ZHX2: variants seen among roughly 807,000 people sequenced by gnomAD.
The protein encoded by ZHX2 is zinc fingers and homeoboxes protein 2.
A neutral mutation model predicts 21.9 loss-of-function variants in ZHX2; 6 were observed. The observed-to-expected ratio is 0.27, with a 90% CI of 0.15 to 0.54. ZHX2 has a LOEUF of 0.54. Among genes scored for constraint, ZHX2 ranks in the 20% least tolerant of loss-of-function variants. The probability of loss-of-function intolerance (pLI) is 0.95; values close to 1 mark genes in which losing one functional copy is unlikely to be tolerated. For missense variants in ZHX2, 908 were observed against 1,090.7 expected (o/e 0.83, Z 2.36); for synonymous variants, 434 against 437.1 (o/e 0.99, Z 0.09).
intron 2 of ZHX2, among the ~76,000 whole-genome samples, chr8:122,907,285 A>G (rs191459856): frequency 1.1e-3 from 162 of 152,296 alleles, no homozygotes; most frequent in African/African-American, 3.5e-3. Flanking sequence ...TGAGACATCA[A>G]TCAGCATATG....
intron 3 of ZHX2, among the ~76,000 whole-genome samples, chr8:122,961,496 G>T (rs1296578116): frequency 6.6e-6 from 1 of 152,150 alleles, no homozygotes; most frequent in Non-Finnish European, 1.5e-5. Flanking sequence ...CTGCTATAAA[G>T]AACTGCCCAA....
intron 1 of ZHX2, among the ~76,000 whole-genome samples, chr8:122,858,385 A>C (rs1043056286): frequency 2.0e-5 from 3 of 152,190 alleles, no homozygotes; most frequent in African/African-American, 7.2e-5. Flanking sequence ...ACAGGCCTTT[A>C]AAGTTGCTTC....
At chr8:122,881,300 T>C (rs1423518159) in intron 2 of ZHX2, among the ~76,000 whole-genome samples, 4 of 152,114 alleles carry the variant, frequency 2.6e-5, no homozygotes, top group Non-Finnish European at 5.9e-5. Context: ...ACTAAGGAGG[T>C]AAAGTCTGAT....
chr8:122,883,259 G>A (rs189478422), intron 2 of ZHX2, among the ~76,000 whole-genome samples: 151 of 152,196 alleles, frequency 9.9e-4, no homozygotes, highest in African/African-American at 3.3e-3. Flanking sequence ...TGCAATGCTC[G>A]ACCTGAGCCC....
At chr8:122,783,497 A>G (rs1817333676) in intron 1 of ZHX2, among the ~76,000 whole-genome samples, 1 of 152,048 alleles carries the variant, frequency 6.6e-6, no homozygotes, top group South Asian at 2.1e-4. Context: ...AACCACACAC[A>G]CACACACTTA....
At position 122,828,140 on chromosome 8, in the gene ZHX2, G is replaced by T. The variant is rs955885341; in HGVS notation, c.-282-35337G>T. On this transcript the variant is annotated intron_variant, in intron 1 of 3. Transcript: ENST00000314393. The surrounding 1 kb of genome is among the most constrained non-coding windows in gnomAD (Gnocchi z 5.2). ...ATAAATAAATAAAAGAGAAAAGCTGGCTCGCAGGAGAGACCTAAGGGCACC... is the reference window on the plus strand; with the variant it reads ...ATAAATAAATAAAAGAGAAAAGCTGTCTCGCAGGAGAGACCTAAGGGCACC... 2.0e-5 allele frequency among the ~76,000 whole-genome samples: 3 copies of T among 152,074 alleles called. No individual in the cohort carries two copies. The highest frequency in any genetic ancestry group is 4.4e-5 in the Non-Finnish European group (3 of 68,012).
rs766144375 is a variant in ZHX2, at chr8:122,953,384, C to T, written c.1874C>T (p.Ser625Phe). ...CTCTCCGGTGCCCAGTTAACAAGTT[C>T]TCTGCCCAGCCCTTCGCCAGCAATT... ...DQLSGAQLTS[S>F]LPSPSPAIAK... The change falls in exon 3 of 4, where the codon TCT becomes TTT. Residue 625 changes from serine (S) to phenylalanine (F), a missense_variant. Transcript: ENST00000314393. The surrounding 1 kb of genome is among the most constrained non-coding windows in gnomAD (Gnocchi z 4.6). 1.9e-6 allele frequency: 3 copies of T among 1,614,184 alleles called. No individual in the cohort carries two copies. The highest frequency in any genetic ancestry group is 4.5e-5 in the East Asian group (2 of 44,860).
intron 1 of ZHX2, among the ~76,000 whole-genome samples, chr8:122,791,372 C>T (rs551465437): frequency 3.3e-5 from 5 of 152,238 alleles, no homozygotes; most frequent in East Asian, 1.9e-4. Context: ...CTGCAGCAGC[C>T]GCTGCAGCCC....
At chr8:122,899,490 T>C (rs1026566502) in intron 2 of ZHX2, among the ~76,000 whole-genome samples, 14 of 152,186 alleles carry the variant, frequency 9.2e-5, no homozygotes, top group African/African-American at 3.1e-4. Context: ...GATTTACAAT[T>C]GCACAAAAAG....
chr8:122,831,045 C>A (rs909589377), intron 1 of ZHX2, among the ~76,000 whole-genome samples: 1 of 152,176 alleles, frequency 6.6e-6, no homozygotes, highest in African/African-American at 2.4e-5. Context: ...CTGATGAAGG[C>A]GGGCCCGTTA....
At chr8:122,845,348 A>G (rs766059161) in intron 1 of ZHX2, among the ~76,000 whole-genome samples, 2 of 152,216 alleles carry the variant, frequency 1.3e-5, no homozygotes, top group Non-Finnish European at 2.9e-5. Flanking sequence ...TTTCATAAGA[A>G]AATTAACTTG....
In ZHX2 at chr8:122,896,899, G is replaced by T. The variant is rs552994317; in HGVS notation, c.-220+33360G>T. Among the ~76,000 whole-genome samples, 152 of 152,352 alleles carry T rather than the reference G, an allele frequency of 1.0e-3. 1 individual carries two copies. The South Asian group carries it at 0.029, about 29-fold the overall frequency. ...TGGGAATTAGATGAGAAATGTAGAT[G>T]ATGTGTCCAAACTCAGAAAAGTTGT... On this transcript the variant is annotated intron_variant, in intron 2 of 3. Transcript: ENST00000314393.
At chr8:122,921,070 G>T (rs7838014) in intron 2 of ZHX2, among the ~76,000 whole-genome samples, 7,383 of 151,708 alleles carry the variant, frequency 0.049, 518 homozygotes, top group African/African-American at 0.16. Flanking sequence ...TTTTTTTTTG[G>T]TTTTGTTTTT....
intron 1 of ZHX2, among the ~76,000 whole-genome samples, chr8:122,862,442 C>A (rs7833075): frequency 0.041 from 6,266 of 152,294 alleles, 161 homozygotes; most frequent in Non-Finnish European, 0.045. Context: ...AAACTTTTAA[C>A]CTGCCCAGGA....
intron 2 of ZHX2, among the ~76,000 whole-genome samples, chr8:122,949,495 A>T (rs1191695749): frequency 6.6e-6 from 1 of 152,204 alleles, no homozygotes; most frequent in Non-Finnish European, 1.5e-5. Flanking sequence ...ATAGTGGGCA[A>T]ATCTTTGAAA....
rs549405326 is a variant in ZHX2, at chr8:122,782,515, C to G, written c.-283+569C>G. ...CGTGTGTCTGCTCCCCTCCCTCCCCCTCTCCCCTCGCTCCCCTCTCCCGGT... is the reference window on the plus strand; with the variant it reads ...CGTGTGTCTGCTCCCCTCCCTCCCCGTCTCCCCTCGCTCCCCTCTCCCGGT... On this transcript the variant is annotated intron_variant, in intron 1 of 3. Coordinates refer to ENST00000314393, the MANE Select transcript of ZHX2 (RefSeq NM_014943.5). This position sits in a 1 kb window ranked among gnomAD's most constrained non-coding sequence, Gnocchi z 5.3. Among the ~76,000 whole-genome samples the G allele has an allele frequency of 6.6e-6, 1 of 152,082 alleles. No individual in the cohort carries two copies. Among genetic ancestry groups the G allele is most frequent in the Non-Finnish European group, 1.5e-5 (1 of 67,986 alleles).
chr8:122,856,046 A>G (rs1819015448), intron 1 of ZHX2, among the ~76,000 whole-genome samples: 1 of 152,226 alleles, frequency 6.6e-6, no homozygotes, highest in Admixed American at 6.5e-5. Flanking sequence ...TTTGATTCAG[A>G]CAGGCTTGGG....
At chr8:122,905,868 T>C (rs998938308) in intron 2 of ZHX2, among the ~76,000 whole-genome samples, 3 of 152,250 alleles carry the variant, frequency 2.0e-5, no homozygotes, top group Admixed American at 6.5e-5. Context: ...TGCACTAACC[T>C]AATAGAATAA....
At position 122,974,459 on chromosome 8, in the gene ZHX2, T is replaced by C. The variant is rs1216972946; in HGVS notation, c.*1222T>C. ...TTTGAATAAAACCAATTTTTCTAAC[T>C]TGTTGCTCATTTGTTGTAACTCAAT... On this transcript the variant is annotated 3_prime_UTR_variant, in exon 4 of 4. Transcript: ENST00000314393. 2.0e-5 allele frequency: 3 copies of C among 152,114 alleles called. No individual in the cohort carries two copies. The highest frequency in any genetic ancestry group is 4.4e-5 in the Non-Finnish European group (3 of 68,008). 9.4% of individuals were successfully genotyped at this position (152,114 alleles called of 1,614,324 possible).
Sources: gnomAD v4.1 joint callset for allele counts (sites outside exome capture counted in the v4.1 genomes callset) on GRCh38, gnomAD v4.1.1 for gene constraint, Gnocchi (gnomAD v3.1) non-coding constraint, MANE v1.5 for transcripts, NCBI Gene and HGNC (gene_info 2026-07-23, HGNC 2026-07-21) for gene names.